Variants in ICAM3 observed in about 807,000 individuals in gnomAD.
ICAM3 encodes the protein ICAM-3.
In ICAM3, 54 loss-of-function variants were observed where a neutral mutation model predicts 43.6. That is an observed-to-expected ratio of 1.24 (90% confidence interval 0.99 to 1.55). The LOEUF (loss-of-function observed/expected upper bound fraction) is 1.55. Ranked by LOEUF, ICAM3 falls within the 40% of genes most tolerant of loss-of-function variation. The pLI is 0.00. For synonymous variants in ICAM3, 306 were observed against 312.6 expected (o/e 0.98, Z 0.22); for missense variants, 715 against 717.9 (o/e 1.00, Z 0.05).
chr19:10,337,556 C>G (rs1282118726), intron 2 of ICAM3, among the ~76,000 whole-genome samples: 1 of 151,864 alleles, frequency 6.6e-6, no homozygotes, highest in Non-Finnish European at 1.5e-5. Context: ...GATCCTGTCT[C>G]TAAAATAAAG....
At position 10,335,077 on chromosome 19, in the gene ICAM3, A is replaced by C; in HGVS notation, c.926T>G (p.Leu309Trp). The C allele has an allele frequency of 6.2e-7, 1 of 1,612,726 alleles. No individual in the cohort carries two copies. The highest frequency in any genetic ancestry group is 8.5e-7 in the Non-Finnish European group (1 of 1,179,342). The change falls in exon 4 of 7, where the codon TTG (leucine) becomes TGG (tryptophan). Residue 309 changes from leucine (L) to tryptophan (W), a missense_variant. Transcript: ENST00000160262. ...GGERREARENLTVFSFLGPIV... is the reference protein window; with the variant it reads ...GGERREARENWTVFSFLGPIV... ...ACGCCTCCTCTTACTAAAGACCGTC[A>C]AGTTCTCCCGGGCCTCCCGTCTCTC...
rs769036423 is a variant in ICAM3, at chr19:10,335,881, G to A, written c.439C>T (p.Arg147Trp). 7.5e-6 allele frequency: 12 copies of A among 1,605,628 alleles called. No individual in the cohort carries two copies. The East Asian group carries it at 1.6e-4, about 21-fold the overall frequency. The change falls in exon 3 of 7, where the codon CGG (arginine) becomes TGG (tryptophan). Residue 147 changes from arginine to tryptophan, a missense_variant. Physicochemically the swap from Arg to Trp is moderately radical, Grantham distance 101 (BLOSUM62 -3). Coordinates refer to ENST00000160262, the MANE Select transcript of ICAM3 (RefSeq NM_002162.5). ...LRCQVEDGSPRTSLTVVLLRW... is the reference protein window; with the variant it reads ...LRCQVEDGSPWTSLTVVLLRW... ...AGCAGCACCACCGTGAGGCTGGTCC[G>A]GGGCGACCCATCCTCCACTTGGCAG...
chr19:10,339,388 T>A (rs931675906), intron 1 of ICAM3, 151 bp downstream of exon 1: 3 of 676,210 alleles, frequency 4.4e-6, no homozygotes, highest in Non-Finnish European at 7.6e-6. Context: ...AAGGCTGAAC[T>A]AAGGAACCAG....
chr19:10,336,154 A>C (rs1327538599), intron 2 of ICAM3, 178 bp from the exon 3 acceptor site: 2 of 592,000 alleles, frequency 3.4e-6, no homozygotes, highest in Non-Finnish European at 5.9e-6. Context: ...CGCAGTGATT[A>C]TCATTTCCTG....
In ICAM3 at chr19:10,335,978, T is replaced by C; in HGVS notation, c.344-2A>G. 1 of 1,546,174 alleles carries C rather than the reference T, an allele frequency of 6.5e-7. No individual in the cohort carries two copies. Among genetic ancestry groups the C allele is most frequent in the East Asian group, 2.3e-5 (1 of 42,574 alleles). On this transcript the variant is annotated splice_acceptor_variant, in intron 2 of 6. Transcript: ENST00000160262. LOFTEE classifies it high-confidence loss of function. ...CCAGCTCCACACGCTCCGGGAGCCC[T>C]GAGAGAGGAGGGGAGGATGGCACTT... is the stretch of plus-strand genomic sequence containing the variant.
In ICAM3 at chr19:10,334,925, C is replaced by T; in HGVS notation, c.937+141G>A. The T allele has an allele frequency of 1.4e-6, 2 of 1,448,030 alleles. No individual in the cohort carries two copies. Among genetic ancestry groups the T allele is most frequent in the Non-Finnish European group, 9.3e-7 (1 of 1,075,446 alleles). 89.7% of individuals were successfully genotyped at this position (1,448,030 alleles called of 1,614,324 possible). ...GCCTCGCCCTCTTTCCGCGCTGTGT[C>T]CAGCTTCGGGCACTCAGGCCCAACC... On this transcript the variant is annotated intron_variant, in intron 4 of 6. Coordinates refer to ENST00000160262, the MANE Select transcript of ICAM3 (RefSeq NM_002162.5). The surrounding 1 kb of genome is among the most constrained non-coding windows in gnomAD (Gnocchi z 5.5).
In ICAM3 at chr19:10,334,122, G is replaced by A. The variant is rs770747942; in HGVS notation, c.1441+38C>T. 1.5e-6 allele frequency: 2 copies of A among 1,346,252 alleles called. No homozygotes were observed. The highest frequency in any genetic ancestry group is 2.3e-5 in the East Asian group (1 of 43,506). The allele number at this position is 1,346,252 out of a possible 1,614,324, so 83.4% of individuals were successfully genotyped here. A position where few individuals can be genotyped will look rare whatever the true frequency, so the allele number is the denominator to read the frequency against. ...CTGTCTCCAACCCCCCCGCCCCCCG[G>A]CTTACCGGTCCAGACCCGCAGCCCC... is the stretch of plus-strand genomic sequence containing the variant. On this transcript the variant is annotated intron_variant, in intron 6 of 6. Coordinates refer to ENST00000160262, the MANE Select transcript of ICAM3 (RefSeq NM_002162.5). This position sits in a 1 kb window ranked among gnomAD's most constrained non-coding sequence, Gnocchi z 5.5.
At chr19:10,338,581 T>G in intron 2 of ICAM3, 101 bp downstream of exon 2, 2 of 1,082,674 alleles carry the variant, frequency 1.8e-6, no homozygotes, top group Non-Finnish European at 2.7e-6. Flanking sequence ...AGAACTGTGG[T>G]CCATTCTTTG....
chr19:10,336,076 G>A, intron 2 of ICAM3, 100 bp from the exon 3 acceptor site: 2 of 1,123,032 alleles, frequency 1.8e-6, no homozygotes. Context: ...CGAGAACTGT[G>A]AGCTTTGAGT....
intron 1 of ICAM3, 48 bp from the exon 2 acceptor site, chr19:10,338,996 C>A (rs1014561030): frequency 1.3e-6 from 2 of 1,597,780 alleles, no homozygotes; most frequent in Non-Finnish European, 1.7e-6. Context: ...TGTCCCCCAA[C>A]CCACGCATCA....
intron 2 of ICAM3, 77 bp downstream of exon 2, chr19:10,338,605 C>A: frequency 7.2e-7 from 1 of 1,397,046 alleles, no homozygotes; most frequent in Non-Finnish European, 1.0e-6. Flanking sequence ...ACTGAGGGTC[C>A]CCACTCTCCT....
At position 10,335,677 on chromosome 19, in the gene ICAM3, T is replaced by G. The variant is rs1385834952; in HGVS notation, c.643A>C (p.Thr215Pro). The G allele has an allele frequency of 2.5e-6, 4 of 1,602,974 alleles. No individual in the cohort carries two copies. Among genetic ancestry groups the G allele is most frequent in the African/African-American group, 2.7e-5 (2 of 74,770 alleles). The change falls in exon 3 of 7, where the codon ACC (threonine) becomes CCC (proline). Residue 215 changes from threonine to proline, a missense_variant. Thr to Pro is a conservative substitution (Grantham distance 38). Coordinates refer to ENST00000160262, the MANE Select transcript of ICAM3 (RefSeq NM_002162.5). ...VNTSAPRQLR[T>P]FVLPVTPPRL... ...CTGAAGCCCCTTCTCTCACCAAAGG[T>G]TCGGAGCTGGCGGGGGGCTGAGGTG...
Position 10,334,109 on chromosome 19 carries a change from C to CCCCCCCCCCCCCCCCAA in ICAM3, c.1441+50_1442-50insTTGGGGGGGGGGGGGGG. 1 of 1,607,338 alleles carries CCCCCCCCCCCCCCCCAA rather than the reference C, an allele frequency of 6.2e-7. No individual in the cohort carries two copies. Among genetic ancestry groups the CCCCCCCCCCCCCCCCAA allele is most frequent in the Non-Finnish European group, 8.5e-7 (1 of 1,174,614 alleles). On this transcript the variant is annotated intron_variant, in intron 6 of 6. Coordinates refer to ENST00000160262, the MANE Select transcript of ICAM3 (RefSeq NM_002162.5). This position sits in a 1 kb window ranked among gnomAD's most constrained non-coding sequence, Gnocchi z 5.5. Reference sequence around the variant, plus strand: ...ATATGCGTCCCTTCTGTCTCCAACCCCCCCGCCCCCCGGCTTACCGGTCCA... The same window carrying CCCCCCCCCCCCCCCCAA: ...ATATGCGTCCCTTCTGTCTCCAACCCCCCCCCCCCCCCCCCAACCCCGCCCCCCGGCTTACCGGTCCA...
At chr19:10,335,044 C>T (rs1269235461) in intron 4 of ICAM3, 22 bp downstream of exon 4, 14 of 1,604,942 alleles carry the variant, frequency 8.7e-6, no homozygotes, top group East Asian at 6.7e-5. Context: ...AGGCCGCGCC[C>T]CCTTCCCACG....
chr19:10,334,809 T>G lies in ICAM3; in HGVS notation c.938-27A>C. 1.3e-6 allele frequency: 2 copies of G among 1,553,546 alleles called. No individual in the cohort carries two copies. Among genetic ancestry groups the G allele is most frequent in the Non-Finnish European group, 8.7e-7 (1 of 1,148,186 alleles). The stretch of plus-strand genomic sequence containing the variant: ...TAAAGGCGGGGCATTGCCCAGGAGC[T>G]TAATGAACAGGACCTTCCTGTGGGT... On this transcript the variant is annotated intron_variant, in intron 4 of 6. Transcript: ENST00000160262. The surrounding 1 kb of genome is among the most constrained non-coding windows in gnomAD (Gnocchi z 5.5).
intron 2 of ICAM3, among the ~76,000 whole-genome samples, chr19:10,336,402 A>G (rs2040598649): frequency 6.6e-6 from 1 of 151,918 alleles, no homozygotes; most frequent in Non-Finnish European, 1.5e-5. Flanking sequence ...TCAGACACTC[A>G]GGGCTTTCCT....
At chr19:10,337,457 C>G (rs868120576) in intron 2 of ICAM3, among the ~76,000 whole-genome samples, 1 of 146,804 alleles carries the variant, frequency 6.8e-6, no homozygotes, top group Non-Finnish European at 1.5e-5. Flanking sequence ...AAAAAAGTAG[C>G]CAGGCCTGCA....
At position 10,333,994 on chromosome 19, in the gene ICAM3, C is replaced by G. The variant is rs755764117; in HGVS notation, c.1507G>C (p.Val503Leu). The G allele has an allele frequency of 1.9e-6, 3 of 1,614,032 alleles. No individual in the cohort carries two copies. The highest frequency in any genetic ancestry group is 2.5e-6 in the Non-Finnish European group (3 of 1,180,040). ...CTGAAGACGTACATTAAGGCCAGTACGATAGTCACCACGCCCAGGGTCAGT... is the reference window on the plus strand; with the variant it reads ...CTGAAGACGTACATTAAGGCCAGTAGGATAGTCACCACGCCCAGGGTCAGT... ...VLLTLGVVTI[V>L]LALMYVFREH... The change falls in exon 7 of 7, where the codon GTA (valine) becomes CTA (leucine). Residue 503 changes from valine (V) to leucine (L), a missense_variant. By Grantham distance (32) the Val-to-Leu change is conservative (BLOSUM62 1). Transcript: ENST00000160262. This position sits in a 1 kb window ranked among gnomAD's most constrained non-coding sequence, Gnocchi z 4.2.
chr19:10,336,060 T>G, intron 2 of ICAM3, 84 bp from the exon 3 acceptor site: 1 of 1,276,370 alleles, frequency 7.8e-7, no homozygotes, highest in African/African-American at 1.5e-5. Context: ...GACAGGGTGG[T>G]CCTGCCGAGA....
Sources: gnomAD v4.1 joint callset for allele counts (sites outside exome capture counted in the v4.1 genomes callset) on GRCh38, gnomAD v4.1.1 for gene constraint, Gnocchi (gnomAD v3.1) non-coding constraint, MANE v1.5 for transcripts, NCBI Gene and HGNC (gene_info 2026-07-23, HGNC 2026-07-21) for gene names.